Variants in EPN2 observed in about 807,000 individuals in gnomAD.
EPN2 encodes the protein epsin 2.
In EPN2, 34 loss-of-function variants were observed where a neutral mutation model predicts 61.7. That is an observed-to-expected ratio of 0.55 (90% CI 0.42 to 0.73). The LOEUF is 0.73. Ranked by LOEUF, EPN2 falls within the 30% of genes least tolerant of loss-of-function variation. EPN2 has a pLI of 0.00. For missense variants in EPN2, 714 were observed against 839.2 expected (o/e 0.85, Z 1.84); for synonymous variants, 349 against 353.6 (o/e 0.99, Z 0.15).
chr17:19,306,044 G>C (rs1252831980), intron 4 of EPN2: 1 of 152,246 alleles, frequency 6.6e-6, no homozygotes, highest in East Asian at 1.9e-4. Flanking sequence ...TGCATTTGAT[G>C]CGACTTTAGT....
intron 2 of EPN2, chr17:19,282,279 A>G (rs2045365878): frequency 1.3e-5 from 2 of 152,126 alleles, no homozygotes. Context: ...TTTTTCTAGA[A>G]TTGCTGTTAG....
chr17:19,241,244 G>C (rs1261660021), intron 1 of EPN2, among the ~76,000 whole-genome samples: 2 of 152,116 alleles, frequency 1.3e-5, no homozygotes, highest in African/African-American at 4.8e-5. Flanking sequence ...TTTTTTGTCA[G>C]ATGCATTGTG....
At chr17:19,256,184 A>G (rs2045076717) in intron 1 of EPN2, among the ~76,000 whole-genome samples, 2 of 151,870 alleles carry the variant, frequency 1.3e-5, no homozygotes, top group Admixed American at 6.6e-5. Flanking sequence ...TGATTTGCCC[A>G]CCTTGGCCTC....
chr17:19,325,849 TAGAATTA>T (rs1487944154), intron 7 of EPN2, among the ~76,000 whole-genome samples: 2 of 152,142 alleles, frequency 1.3e-5, no homozygotes, highest in African/African-American at 4.8e-5. Flanking sequence ...GATAAGTTAT[TAGAATTA>T]AGAATTATTT....
intron 7 of EPN2, among the ~76,000 whole-genome samples, chr17:19,322,485 G>C (rs147564900): frequency 2.0e-5 from 3 of 151,966 alleles, no homozygotes; most frequent in Non-Finnish European, 4.4e-5. Context: ...GTCTCCTTGC[G>C]CCTGGCCAAT....
In EPN2 at chr17:19,286,666, A is replaced by G. The variant is rs967358281; in HGVS notation, c.766+876A>G. On this transcript the variant is annotated intron_variant, in intron 4 of 10. Coordinates refer to ENST00000314728, the MANE Select transcript of EPN2 (RefSeq NM_014964.5). Reference sequence around the variant, plus strand: ...CCAGCCTTTATTCAGCCCTGGAAACAGTTACAGTTCATTCATGCCTCATTA... The same window carrying G: ...CCAGCCTTTATTCAGCCCTGGAAACGGTTACAGTTCATTCATGCCTCATTA... Among the ~76,000 whole-genome samples the G allele has an allele frequency of 3.3e-5, 5 of 152,198 alleles. No individual in the cohort carries two copies. The South Asian group carries it at 8.3e-4, about 25-fold the overall frequency.
At chr17:19,313,305 G>T in intron 7 of EPN2, 26 bp downstream of exon 7, 1 of 1,497,370 alleles carries the variant, frequency 6.7e-7, no homozygotes. Flanking sequence ...CTGGTCTCCC[G>T]TGCTTGCCTG....
chr17:19,257,648 G>C (rs868566676), intron 1 of EPN2, among the ~76,000 whole-genome samples: 22 of 151,976 alleles, frequency 1.4e-4, no homozygotes, highest in Non-Finnish European at 2.5e-4. Context: ...CTCCCGAGTA[G>C]CTGGGACTAC....
intron 1 of EPN2, among the ~76,000 whole-genome samples, chr17:19,260,691 A>G (rs2045131791): frequency 6.6e-6 from 1 of 151,782 alleles, no homozygotes; most frequent in Non-Finnish European, 1.5e-5. Flanking sequence ...AAATGAAAAT[A>G]TATTAAAATA....
chr17:19,289,096 T>G (rs1226422238), intron 4 of EPN2, among the ~76,000 whole-genome samples: 1 of 143,068 alleles, frequency 7.0e-6, no homozygotes, highest in Non-Finnish European at 1.5e-5. Context: ...TTTTTTTTTT[T>G]TTTTTTGAGA....
At chr17:19,275,845 A>G (rs1483354325) in intron 1 of EPN2, among the ~76,000 whole-genome samples, 1 of 152,210 alleles carries the variant, frequency 6.6e-6, no homozygotes, top group Non-Finnish European at 1.5e-5. Flanking sequence ...ATTCGCTTTC[A>G]TATTGAATAG....
intron 9 of EPN2, chr17:19,330,711 C>T (rs1907119369): frequency 1.3e-5 from 2 of 152,500 alleles, no homozygotes; most frequent in South Asian, 2.1e-4. Context: ...AACATTTATC[C>T]CCTGCCGGTG....
At chr17:19,295,072 A>G (rs895167694) in intron 4 of EPN2, among the ~76,000 whole-genome samples, 1 of 151,984 alleles carries the variant, frequency 6.6e-6, no homozygotes, top group African/African-American at 2.4e-5. Flanking sequence ...CTTTTTTACT[A>G]TCTTCAGAGT....
intron 1 of EPN2, among the ~76,000 whole-genome samples, chr17:19,250,908 C>T (rs1172967954): frequency 6.6e-6 from 1 of 151,688 alleles, no homozygotes; most frequent in African/African-American, 2.4e-5. Context: ...CTCTGCCTGG[C>T]ACACACTGTC....
chr17:19,244,854 C>T (rs886920735), intron 1 of EPN2, among the ~76,000 whole-genome samples: 3 of 152,212 alleles, frequency 2.0e-5, no homozygotes, highest in Non-Finnish European at 4.4e-5. Flanking sequence ...CCAGGCCATA[C>T]AGTTAGTATG....
chr17:19,321,645 G>T (rs563455529), intron 7 of EPN2, among the ~76,000 whole-genome samples: 10 of 152,176 alleles, frequency 6.6e-5, no homozygotes, highest in Non-Finnish European at 1.5e-4. Flanking sequence ...TAGTAGCTGG[G>T]GAGTGAGATA....
At chr17:19,327,608 G>T (rs1906942828) in intron 7 of EPN2, among the ~76,000 whole-genome samples, 1 of 152,160 alleles carries the variant, frequency 6.6e-6, no homozygotes, top group Non-Finnish European at 1.5e-5. Flanking sequence ...GGGAGGTGGA[G>T]GCGTAGTGAG....
rs1479390254 is a variant in EPN2 at position 19,237,407 on chromosome 17, T to C, written c.-418T>C. The C allele has an allele frequency of 6.6e-6, 1 of 151,872 alleles. No homozygotes were observed. Among genetic ancestry groups the C allele is most frequent in the Non-Finnish European group, 1.5e-5 (1 of 67,992 alleles). The allele number at this position is 151,872 out of a possible 1,614,324, so 9.4% of individuals were successfully genotyped here. The stretch of plus-strand genomic sequence containing the variant: ...CCCTCCCGGCCGCCATGTTGGCTGG[T>C]GTGTGGGTGTCAAACTGAGCCAGAC... On this transcript the variant is annotated 5_prime_UTR_variant, in exon 1 of 11. Transcript: ENST00000314728.
chr17:19,295,513 CAA>C (rs1455048939), intron 4 of EPN2, among the ~76,000 whole-genome samples: 2 of 151,604 alleles, frequency 1.3e-5, no homozygotes, highest in Non-Finnish European at 2.9e-5. Flanking sequence ...GCCTGGGTGA[CAA>C]GAGTGAAACT....
Sources: allele counts gnomAD v4.1 joint callset (sites outside exome capture counted in the v4.1 genomes callset), GRCh38; gene constraint gnomAD v4.1.1; transcripts MANE v1.5; gene names NCBI Gene and HGNC (gene_info 2026-07-23, HGNC 2026-07-21).